Variants in ABR observed in about 807,000 individuals in gnomAD.
ABR encodes ABR activator of RhoGEF and GTPase, also known as active breakpoint cluster region-related protein.
Under a neutral mutation model 107.2 loss-of-function variants are expected in ABR, and 35 were observed. The observed-to-expected ratio is 0.33, with a 90% CI of 0.25 to 0.43. The LOEUF is 0.43. Ranked by LOEUF, ABR falls within the 20% of genes least tolerant of loss-of-function variation. The probability of loss-of-function intolerance (pLI) is 1.00; values close to 1 mark genes in which losing one functional copy is unlikely to be tolerated. For synonymous variants in ABR, 498 were observed against 462.0 expected (o/e 1.08, Z -1.00); for missense variants, 815 against 1,115.2 (o/e 0.73, Z 3.83).
intron 1 of ABR, among the ~76,000 whole-genome samples, chr17:1,161,035 G>C (rs2041270844): frequency 6.6e-6 from 1 of 152,144 alleles, no homozygotes; most frequent in Non-Finnish European, 1.5e-5. Context: ...TATCTATGTG[G>C]ATTCCCGTTC....
intron 1 of ABR, among the ~76,000 whole-genome samples, chr17:1,220,133 T>C (rs1453187633): frequency 6.6e-6 from 1 of 151,028 alleles, no homozygotes; most frequent in East Asian, 1.9e-4. Context: ...CTACTCAAAA[T>C]ACAAAAAATT....
chr17:1,057,344 G>A lies in ABR; in HGVS notation c.1382-242C>T, dbSNP rs1047467640. Among the ~76,000 whole-genome samples the A allele has an allele frequency of 8.5e-4, 86 of 101,770 alleles. 1 individual carries two copies. The highest frequency in any genetic ancestry group is 1.5e-3 in the Non-Finnish European group (65 of 43,104). The allele number at this position is 101,770 out of a possible 152,430, so 66.8% of individuals were successfully genotyped here. A position where few individuals can be genotyped will look rare whatever the true frequency, so the allele number is the denominator to read the frequency against. On this transcript the variant is annotated intron_variant, in intron 12 of 22. Transcript: ENST00000302538. ...TGTGTGTGTGTGTGTGTGTGTGTGT[G>A]TGTGTGTGTGTGTGTGTGTGTGGTG...
chr17:1,019,119 G>C (rs2071426658), intron 16 of ABR, among the ~76,000 whole-genome samples: 2 of 152,198 alleles, frequency 1.3e-5, no homozygotes, highest in Non-Finnish European at 2.9e-5. Flanking sequence ...GCCACCCCCA[G>C]TACAGCCCTC....
chr17:1,018,568 C>T (rs73283465), intron 16 of ABR, among the ~76,000 whole-genome samples: 2,909 of 152,232 alleles, frequency 0.019, 82 homozygotes, highest in African/African-American at 0.066. Flanking sequence ...GCCAATGGTC[C>T]CTTCCCAAGT....
chr17:1,033,351 C>CTT (rs2072948520), intron 16 of ABR, among the ~76,000 whole-genome samples: 3 of 152,236 alleles, frequency 2.0e-5, no homozygotes, highest in Non-Finnish European at 4.4e-5. Flanking sequence ...GATTAAGTCA[C>CTT]TTACCCCTCC....
intron 6 of ABR, 26 bp downstream of exon 6, chr17:1,079,304 G>A (rs576368755): frequency 1.9e-6 from 3 of 1,610,050 alleles, no homozygotes; most frequent in Non-Finnish European, 8.5e-7. Flanking sequence ...GTAGGTGCCT[G>A]TAATCCAGCC....
chr17:1,091,092 T>C (rs2036993411), intron 4 of ABR, among the ~76,000 whole-genome samples: 1 of 152,172 alleles, frequency 6.6e-6, no homozygotes, highest in Admixed American at 6.5e-5. Context: ...GCTTCAGTGC[T>C]TCCTGCTCTT....
chr17:1,170,680 C>A (rs960914123), intron 1 of ABR, among the ~76,000 whole-genome samples: 1 of 152,164 alleles, frequency 6.6e-6, no homozygotes, highest in Non-Finnish European at 1.5e-5. Flanking sequence ...AGGTGATCCA[C>A]CCACCTCGGC....
intron 16 of ABR, 156 bp from the exon 17 acceptor site, chr17:1,013,320 G>C (rs950109978): frequency 3.9e-6 from 3 of 772,480 alleles, no homozygotes; most frequent in Non-Finnish European, 6.3e-6. Context: ...TCAACCCTTT[G>C]GGGGGACCCT....
intron 16 of ABR, among the ~76,000 whole-genome samples, chr17:1,029,878 C>T (rs955907150): frequency 2.1e-3 from 314 of 150,182 alleles, no homozygotes; most frequent in African/African-American, 7.3e-3. Context: ...CTGACCCCTG[C>T]GTCCACGACA....
chr17:1,135,447 C>T (rs1349509914), intron 1 of ABR, among the ~76,000 whole-genome samples: 3 of 146,952 alleles, frequency 2.0e-5, no homozygotes, highest in South Asian at 2.1e-4. Flanking sequence ...TCCAGCCTGT[C>T]GCAAGGGTGA....
At chr17:1,185,258 T>C (rs2042249854) in intron 1 of ABR, among the ~76,000 whole-genome samples, 1 of 151,990 alleles carries the variant, frequency 6.6e-6, no homozygotes, top group Non-Finnish European at 1.5e-5. Flanking sequence ...CCAGTGACAA[T>C]CTCCCAAATG....
At position 1,145,535 on chromosome 17, in the gene ABR, A is replaced by G. The variant is rs77111874; in HGVS notation, c.62-20168T>C. ...TGACCTGGGAGGACCTTTCAATCCA[A>G]CGGTGCTCACCACCTGCCTGGGATG... On this transcript the variant is annotated intron_variant, in intron 1 of 22. Transcript: ENST00000302538. Among the ~76,000 whole-genome samples the G allele has an allele frequency of 4.3e-3, 658 of 152,312 alleles. 33 individuals carry two copies. The East Asian group carries it at 0.11, about 25-fold the overall frequency.
exon 1 of ABR, chr17:1,228,885 A>G (rs908810008): frequency 2.0e-5 from 3 of 151,272 alleles, no homozygotes; most frequent in Non-Finnish European, 4.4e-5. Context: ...CCGCTCGGGC[A>G]CCCGCAGGAA....
At chr17:1,199,345 A>G (rs973953190) in intron 1 of ABR, among the ~76,000 whole-genome samples, 1 of 151,072 alleles carries the variant, frequency 6.6e-6, no homozygotes, top group Admixed American at 6.6e-5. Flanking sequence ...TACCCATGTC[A>G]TAGACCACCA....
At chr17:1,136,289 C>T (rs570804998) in intron 1 of ABR, among the ~76,000 whole-genome samples, 4 of 152,320 alleles carry the variant, frequency 2.6e-5, no homozygotes, top group East Asian at 3.9e-4. Flanking sequence ...AGTGCAATGG[C>T]GCGATCTCAG....
At chr17:1,087,311 G>C (rs987369395) in intron 4 of ABR, among the ~76,000 whole-genome samples, 1 of 152,264 alleles carries the variant, frequency 6.6e-6, no homozygotes, top group East Asian at 1.9e-4. Flanking sequence ...AGGCTGGGGT[G>C]GGGGTAGGGG....
At chr17:1,066,112 C>T (rs1298738464) in intron 10 of ABR, among the ~76,000 whole-genome samples, 1 of 152,126 alleles carries the variant, frequency 6.6e-6, no homozygotes, top group Non-Finnish European at 1.5e-5. Context: ...TTCCTGACCT[C>T]AGGCGATCCA....
At chr17:1,193,808 A>G (rs1410399510) in intron 1 of ABR, among the ~76,000 whole-genome samples, 1 of 152,000 alleles carries the variant, frequency 6.6e-6, no homozygotes. Context: ...CACCTGCCTC[A>G]GCCTCCTGAA....
Sources: allele counts gnomAD v4.1 joint callset (sites outside exome capture counted in the v4.1 genomes callset), GRCh38; gene constraint gnomAD v4.1.1; transcripts MANE v1.5; gene names NCBI Gene and HGNC (gene_info 2026-07-23, HGNC 2026-07-21).